KPNA3: variants seen among roughly 807,000 people sequenced by gnomAD.
KPNA3 encodes importin subunit alpha-4.
Under a neutral mutation model 73.8 loss-of-function variants are expected in KPNA3, and 13 were observed. The observed-to-expected ratio is 0.18, with a 90% CI of 0.11 to 0.28. The LOEUF (loss-of-function observed/expected upper bound fraction) is 0.28, where lower values mean the gene tolerates loss of function less well. Ranked by LOEUF, KPNA3 falls within the 10% of genes least tolerant of loss-of-function variation. The pLI, the probability that KPNA3 is intolerant of heterozygous loss-of-function variation, is 1.00. For synonymous variants in KPNA3, 186 were observed against 206.9 expected (o/e 0.90, Z 0.87); for missense variants, 360 against 618.1 (o/e 0.58, Z 4.43).
At chr13:49,709,972 TTTC>T (rs1445059169) in intron 11 of KPNA3, among the ~76,000 whole-genome samples, 1 of 151,966 alleles carries the variant, frequency 6.6e-6, no homozygotes, top group African/African-American at 2.4e-5. Context: ...AGAAGTCCAG[TTTC>T]TTAAGGCTGG....
At chr13:49,779,240 T>C (rs1158236073) in intron 1 of KPNA3, among the ~76,000 whole-genome samples, 1 of 152,204 alleles carries the variant, frequency 6.6e-6, no homozygotes, top group Non-Finnish European at 1.5e-5. Context: ...AAAATAACAA[T>C]CTAGTACAGT....
intron 1 of KPNA3, among the ~76,000 whole-genome samples, chr13:49,761,613 C>T (rs1566354558): frequency 2.0e-5 from 3 of 152,336 alleles, no homozygotes; most frequent in Admixed American, 6.5e-5. Context: ...CAGCCGCCTG[C>T]CTTGGCCTCC....
chr13:49,734,066 A>G (rs1486330167), intron 2 of KPNA3, among the ~76,000 whole-genome samples: 1 of 152,224 alleles, frequency 6.6e-6, no homozygotes, highest in Non-Finnish European at 1.5e-5. Flanking sequence ...TGATGCACTC[A>G]TGTTTTTAAA....
chr13:49,706,445 T>G, intron 12 of KPNA3, 73 bp from the exon 13 acceptor site: 1 of 1,005,216 alleles, frequency 9.9e-7, no homozygotes. Flanking sequence ...ATATATTTTA[T>G]ATAGACAATA....
chr13:49,726,694 G>A (rs1180535420), intron 6 of KPNA3, among the ~76,000 whole-genome samples: 1 of 152,174 alleles, frequency 6.6e-6, no homozygotes, highest in Non-Finnish European at 1.5e-5. Flanking sequence ...TGTAGTCCCA[G>A]CACTTTGGGA....
At chr13:49,740,116 C>T (rs1335102790) in intron 2 of KPNA3, among the ~76,000 whole-genome samples, 1 of 151,836 alleles carries the variant, frequency 6.6e-6, no homozygotes, top group Non-Finnish European at 1.5e-5. Context: ...GCTGAGCAAA[C>T]TGGTGAGCAC....
At chr13:49,713,784 A>G (rs533515286) in intron 10 of KPNA3, among the ~76,000 whole-genome samples, 2 of 152,180 alleles carry the variant, frequency 1.3e-5, no homozygotes, top group African/African-American at 4.8e-5. Context: ...GCTCTCTGCA[A>G]TCTCTGCCTC....
rs1594469046 is a variant in KPNA3, at chr13:49,792,246, G to A, written c.69+192C>T. ...TCCCGGTCGCCGCGCCGGCAGCTCC[G>A]GGGGGTGACTGCAGCCCGGCCGGCG... is the stretch of plus-strand genomic sequence containing the variant. On this transcript the variant is annotated intron_variant, in intron 1 of 16. Coordinates refer to ENST00000261667, the MANE Select transcript of KPNA3 (RefSeq NM_002267.4). 4.6e-5 allele frequency among the ~76,000 whole-genome samples: 7 copies of A among 151,622 alleles called. No individual in the cohort carries two copies. The East Asian group carries it at 1.4e-3, about 29-fold the overall frequency.
At chr13:49,761,453 C>T (rs999386945) in intron 1 of KPNA3, among the ~76,000 whole-genome samples, 78 of 152,276 alleles carry the variant, frequency 5.1e-4, no homozygotes, top group African/African-American at 1.6e-3. Context: ...GTTGGCCGGG[C>T]TGGTCTCCAG....
chr13:49,787,840 C>T (rs555170588), intron 1 of KPNA3, among the ~76,000 whole-genome samples: 1 of 151,902 alleles, frequency 6.6e-6, no homozygotes. Flanking sequence ...CCACCATGCC[C>T]GGCTAATTTT....
intron 2 of KPNA3, among the ~76,000 whole-genome samples, chr13:49,746,064 G>GAAAA (rs398022733): frequency 2.3e-3 from 190 of 82,958 alleles, no homozygotes; most frequent in Non-Finnish European, 3.1e-3. Flanking sequence ...CTCTGCATCA[G>GAAAA]AAAAAAAAAA....
At chr13:49,715,337 AAC>A (rs1406315330) in intron 10 of KPNA3, among the ~76,000 whole-genome samples, 1 of 152,192 alleles carries the variant, frequency 6.6e-6, no homozygotes, top group Non-Finnish European at 1.5e-5. Flanking sequence ...CCTACAGAAA[AAC>A]AGACATTAAA....
rs557104396 is a variant in KPNA3, at chr13:49,790,287, C to T, written c.69+2151G>A. ...TTCAAGACAAGCTTGGGCAACAAAG[C>T]GAGACCCCGTCTCTAAAAAAGATTA... On this transcript the variant is annotated intron_variant, in intron 1 of 16. Transcript: ENST00000261667. 2.8e-4 allele frequency among the ~76,000 whole-genome samples: 43 copies of T among 152,180 alleles called. No homozygotes were observed. In the South Asian group the frequency reaches 8.9e-3, roughly 32 times the overall value.
At chr13:49,787,828 C>T (rs535193972) in intron 1 of KPNA3, among the ~76,000 whole-genome samples, 18 of 151,840 alleles carry the variant, frequency 1.2e-4, no homozygotes, top group African/African-American at 1.7e-4. Flanking sequence ...TACAGGCACG[C>T]GCCACCATGC....
chr13:49,777,383 T>A (rs1464702014), intron 1 of KPNA3, among the ~76,000 whole-genome samples: 1 of 152,240 alleles, frequency 6.6e-6, no homozygotes, highest in Non-Finnish European at 1.5e-5. Context: ...AGTCCCTTTA[T>A]ATAAAATGGC....
intron 1 of KPNA3, among the ~76,000 whole-genome samples, chr13:49,776,589 A>T (rs1205256109): frequency 2.0e-5 from 3 of 152,206 alleles, no homozygotes; most frequent in Admixed American, 6.5e-5. Flanking sequence ...CCCTTTAAAA[A>T]ATAGTTAATT....
At chr13:49,761,073 T>G (rs912944332) in intron 1 of KPNA3, among the ~76,000 whole-genome samples, 1 of 152,216 alleles carries the variant, frequency 6.6e-6, no homozygotes, top group African/African-American at 2.4e-5. Context: ...AAACAGTATA[T>G]GTTACTTCTG....
Position 49,780,771 on chromosome 13 carries a change from A to G in KPNA3, c.69+11667T>C, listed in dbSNP as rs1321103858. ...AGTCTCACTCCATTGCCCAGGCTGG[A>G]GTGCAGTGGTGCAATCTCGGCTCAC... On this transcript the variant is annotated intron_variant, in intron 1 of 16. Coordinates refer to ENST00000261667, the MANE Select transcript of KPNA3 (RefSeq NM_002267.4). Among the ~76,000 whole-genome samples the G allele has an allele frequency of 2.1e-5, 3 of 143,464 alleles. No individual in the cohort carries two copies. In the South Asian group the frequency reaches 6.5e-4, roughly 31 times the overall value. The allele number at this position is 143,464 out of a possible 152,430, so 94.1% of individuals were successfully genotyped here. A position where few individuals can be genotyped will look rare whatever the true frequency, so the allele number is the denominator to read the frequency against.
chr13:49,757,146 C>T (rs765660185), intron 1 of KPNA3, among the ~76,000 whole-genome samples: 7 of 151,850 alleles, frequency 4.6e-5, no homozygotes, highest in African/African-American at 9.7e-5. Flanking sequence ...TAAACTTGAC[C>T]GTAAAAAGCA....
Sources: allele counts gnomAD v4.1 joint callset (sites outside exome capture counted in the v4.1 genomes callset), GRCh38; gene constraint gnomAD v4.1.1; transcripts MANE v1.5; gene names NCBI Gene and HGNC (gene_info 2026-07-23, HGNC 2026-07-21).